The following TXNL4A variants were observed in gnomAD, a reference collection of about 807,000 sequenced individuals.
TXNL4A encodes the protein thioredoxin-like protein 4A.
Under a neutral mutation model 14.6 loss-of-function variants are expected in TXNL4A, and 17 were observed. That is an observed-to-expected ratio of 1.16 (90% CI 0.80 to 1.74). The LOEUF (loss-of-function observed/expected upper bound fraction) is 1.74, where lower values mean the gene tolerates loss of function less well. Among genes scored for constraint, TXNL4A ranks in the 40% most tolerant of loss-of-function variants. The pLI is 0.00. For missense variants in TXNL4A, 74 were observed against 195.2 expected (o/e 0.38, Z 3.70); for synonymous variants, 83 against 70.6 (o/e 1.18, Z -0.88).
rs148912150 is a variant in TXNL4A, at chr18:80,006,872, G to A, written c.-61+26979C>T. Among the ~76,000 whole-genome samples, 49 of 152,314 alleles carry A rather than the reference G, an allele frequency of 3.2e-4. 1 individual carries two copies. The East Asian group carries it at 6.6e-3, about 20-fold the overall frequency. On this transcript the variant is annotated intron_variant, in intron 1 of 2. Coordinates refer to the TXNL4A transcript ENST00000585474. ...TGCCATTTACATAGCACTGGAAGAAGCGGCCAACTCATCCTTTTATTATGC... is the reference window on the plus strand; with the variant it reads ...TGCCATTTACATAGCACTGGAAGAAACGGCCAACTCATCCTTTTATTATGC...
intron 1 of TXNL4A, among the ~76,000 whole-genome samples, chr18:79,978,099 G>A (rs546872098): frequency 6.6e-6 from 1 of 152,282 alleles, no homozygotes; most frequent in Admixed American, 6.5e-5. Context: ...TCCCAGAATA[G>A]TTCAGGAATT....
chr18:79,992,023 G>A (rs1461895851), upstream of TXNL4A, among the ~76,000 whole-genome samples: 1 of 152,234 alleles, frequency 6.6e-6, no homozygotes, highest in African/African-American at 2.4e-5. Context: ...ACTCAAAGCG[G>A]GAAGGGGGCT....
At chr18:80,009,028 C>T (rs569062184) in intron 1 of TXNL4A, among the ~76,000 whole-genome samples, 13 of 152,192 alleles carry the variant, frequency 8.5e-5, no homozygotes, top group East Asian at 1.9e-4. Flanking sequence ...CCGCCCTCCT[C>T]GGCCTCCCAA....
chr18:79,986,518 C>T (rs1020296583), intron 1 of TXNL4A: 5 of 941,630 alleles, frequency 5.3e-6, no homozygotes, highest in East Asian at 2.3e-4. Flanking sequence ...ACTAGTGATA[C>T]AGTGATTCAT....
intron 1 of TXNL4A, among the ~76,000 whole-genome samples, chr18:79,999,639 C>T (rs1182706845): frequency 6.6e-6 from 1 of 151,836 alleles, no homozygotes; most frequent in African/African-American, 2.4e-5. Context: ...TCAGGGTAAC[C>T]AATTGGCTCA....
chr18:79,977,782 A>C, intron 1 of TXNL4A, 81 bp from the exon 2 acceptor site: 4 of 997,380 alleles, frequency 4.0e-6, no homozygotes, highest in South Asian at 2.9e-5. Context: ...ATAAAAACAA[A>C]ACCAAGAATT....
At chr18:80,029,258 C>T (rs1385939068) in intron 1 of TXNL4A, among the ~76,000 whole-genome samples, 1 of 152,182 alleles carries the variant, frequency 6.6e-6, no homozygotes, top group African/African-American at 2.4e-5. Flanking sequence ...TGGAAACCAT[C>T]CTTCACAGTG....
At chr18:79,979,158 G>A (rs565462142) in intron 1 of TXNL4A, among the ~76,000 whole-genome samples, 9 of 151,694 alleles carry the variant, frequency 5.9e-5, no homozygotes, top group South Asian at 2.1e-4. Flanking sequence ...GGCTGATCTC[G>A]AACTCCTGAC....
At chr18:80,013,080 A>G (rs1185441534) in intron 1 of TXNL4A, among the ~76,000 whole-genome samples, 1 of 151,764 alleles carries the variant, frequency 6.6e-6, no homozygotes, top group African/African-American at 2.4e-5. Context: ...AAGAAAAAAT[A>G]AGAGAGAGAG....
At chr18:80,005,224 G>A (rs2051721968) in intron 1 of TXNL4A, among the ~76,000 whole-genome samples, 1 of 152,238 alleles carries the variant, frequency 6.6e-6, no homozygotes, top group Admixed American at 6.5e-5. Context: ...TGGACTCGAA[G>A]GTTGTTGAGC....
At chr18:79,985,262 CT>C (rs556330985) in intron 1 of TXNL4A, among the ~76,000 whole-genome samples, 17 of 147,830 alleles carry the variant, frequency 1.1e-4, no homozygotes, top group Admixed American at 2.7e-4. Context: ...AAATAGAAAA[CT>C]TTTTTTTTTT....
intron 1 of TXNL4A, among the ~76,000 whole-genome samples, chr18:79,986,237 T>C (rs1226738512): frequency 1.3e-5 from 2 of 152,180 alleles, no homozygotes; most frequent in Non-Finnish European, 2.9e-5. Context: ...GGTTTCACCA[T>C]ATTGTCCAGG....
At chr18:79,998,022 G>A (rs916180762) in intron 1 of TXNL4A, among the ~76,000 whole-genome samples, 2 of 152,160 alleles carry the variant, frequency 1.3e-5, no homozygotes, top group African/African-American at 4.8e-5. Flanking sequence ...GGACAGGCCC[G>A]GTGGCTCAGG....
intron 2 of TXNL4A, chr18:79,977,362 T>TC (rs1044216066): frequency 1.9e-6 from 1 of 533,482 alleles, no homozygotes; most frequent in African/African-American, 2.0e-5. Context: ...CACCTAGGTT[T>TC]CCCCGCAAAG....
intron 1 of TXNL4A, among the ~76,000 whole-genome samples, chr18:80,000,335 G>C (rs1044434280): frequency 1.3e-5 from 2 of 152,190 alleles, no homozygotes; most frequent in Non-Finnish European, 1.5e-5. Flanking sequence ...GAACTTGTTG[G>C]GAACTAGAAT....
At chr18:80,026,119 T>C (rs2051882647) in intron 1 of TXNL4A, among the ~76,000 whole-genome samples, 1 of 152,222 alleles carries the variant, frequency 6.6e-6, no homozygotes, top group African/African-American at 2.4e-5. Context: ...GACTAGATGA[T>C]GATTTAGCCA....
intron 1 of TXNL4A, among the ~76,000 whole-genome samples, chr18:80,021,429 G>A (rs919986218): frequency 3.9e-5 from 6 of 152,054 alleles, no homozygotes; most frequent in African/African-American, 7.2e-5. Flanking sequence ...TGCCCCCCTC[G>A]GCCTCCCAAA....
At chr18:80,005,092 T>C (rs1458826971) in intron 1 of TXNL4A, among the ~76,000 whole-genome samples, 1 of 152,176 alleles carries the variant, frequency 6.6e-6, no homozygotes, top group Non-Finnish European at 1.5e-5. Context: ...AGACGTGCAG[T>C]AGAACCATGA....
At chr18:79,980,901 C>T (rs1378945893) in intron 1 of TXNL4A, among the ~76,000 whole-genome samples, 1 of 152,204 alleles carries the variant, frequency 6.6e-6, no homozygotes, top group Non-Finnish European at 1.5e-5. Context: ...AGACATGGGC[C>T]CCTCTGAGTC....
Sources: gnomAD v4.1 joint callset for allele counts (sites outside exome capture counted in the v4.1 genomes callset) on GRCh38, gnomAD v4.1.1 for gene constraint, MANE v1.5 for transcripts, NCBI Gene and HGNC (gene_info 2026-07-23, HGNC 2026-07-21) for gene names.